GPATCH2: variants seen among roughly 807,000 people sequenced by gnomAD.
GPATCH2 encodes G patch domain-containing protein 2.
GPATCH2 carries 51 observed loss-of-function variants against 58.0 expected under a neutral mutation model. The observed-to-expected ratio is 0.88, with a 90% confidence interval of 0.70 to 1.11. The LOEUF (loss-of-function observed/expected upper bound fraction) is 1.11. GPATCH2 is among the 50% of genes most tolerant of loss of function. The pLI is 0.00. For synonymous variants in GPATCH2, 222 were observed against 218.5 expected (o/e 1.02, Z -0.14); for missense variants, 625 against 652.2 (o/e 0.96, Z 0.45).
chr1:217,463,641 CAAAAAAAAAAAAAAAAAAA>C (rs201402598), intron 8 of GPATCH2, among the ~76,000 whole-genome samples: 43,519 of 86,278 alleles, frequency 0.5, 8,850 homozygotes, highest in Admixed American at 0.67. Flanking sequence ...CTTATCACTC[CAAAAAAAAAAAAAAAAAAA>C]AAAAAAAAAA....
intron 5 of GPATCH2, among the ~76,000 whole-genome samples, chr1:217,557,410 A>T (rs1232523764): frequency 9.0e-6 from 1 of 110,500 alleles, no homozygotes; most frequent in Admixed American, 8.6e-5. Context: ...ACCCCATCTC[A>T]AAAAAAAAAA....
At chr1:217,455,835 G>A (rs1659917005) in intron 8 of GPATCH2, among the ~76,000 whole-genome samples, 1 of 151,974 alleles carries the variant, frequency 6.6e-6, no homozygotes, top group Non-Finnish European at 1.5e-5. Context: ...ATAAACCCCA[G>A]GCCCCAGGCT....
rs1043579846 is a variant in GPATCH2, at chr1:217,458,068, A to C, written c.1278-8731T>G. Among the ~76,000 whole-genome samples, 4 of 152,138 alleles carry C rather than the reference A, an allele frequency of 2.6e-5. No homozygotes were observed. In the East Asian group the frequency reaches 5.8e-4, roughly 22 times the overall value. ...CGGTGAAACCCCGTCTCTACTAAAA[A>C]CACACAAAAAAATTAGCCAGGCGTG... On this transcript the variant is annotated intron_variant, in intron 8 of 9. Transcript: ENST00000366935.
chr1:217,505,412 G>GA (rs5780983), intron 6 of GPATCH2, among the ~76,000 whole-genome samples: 87,111 of 151,820 alleles, frequency 0.57, 26,315 homozygotes, highest in East Asian at 0.84. Context: ...CTTTAGGAAA[G>GA]AGGTTTTAAA....
At chr1:217,546,774 A>T (rs1665075062) in intron 5 of GPATCH2, among the ~76,000 whole-genome samples, 3 of 151,922 alleles carry the variant, frequency 2.0e-5, no homozygotes. Flanking sequence ...GAGCTTCTGT[A>T]CAGACAAAGA....
intron 5 of GPATCH2, among the ~76,000 whole-genome samples, chr1:217,523,784 C>T (rs1270080756): frequency 1.1e-4 from 16 of 143,448 alleles, no homozygotes; most frequent in Non-Finnish European, 2.1e-4. Flanking sequence ...CCGGACGGGG[C>T]GGCTGGCCAG....
intron 5 of GPATCH2, among the ~76,000 whole-genome samples, chr1:217,584,558 T>A (rs984540217): frequency 5.3e-5 from 8 of 151,572 alleles, no homozygotes; most frequent in Non-Finnish European, 1.0e-4. Flanking sequence ...ATTATTGTTC[T>A]AAAGTCCTAG....
chr1:217,587,553 G>T (rs1207032189), intron 5 of GPATCH2, among the ~76,000 whole-genome samples: 1 of 152,112 alleles, frequency 6.6e-6, no homozygotes, highest in African/African-American at 2.4e-5. Flanking sequence ...CCAATGAACA[G>T]AACCAGATTT....
In GPATCH2 at chr1:217,429,973, C is replaced by T. The variant is rs1329019605; in HGVS notation, c.*1172G>A. The stretch of plus-strand genomic sequence containing the variant: ...TTATAAATAGAATGATAATAATCAT[C>T]ATCATAATAAGTTGTTAATAATGAA... On this transcript the variant is annotated 3_prime_UTR_variant, in exon 10 of 10. Coordinates refer to ENST00000366935, the MANE Select transcript of GPATCH2 (RefSeq NM_018040.5). 8.3e-6 allele frequency: 1 copy of T among 120,264 alleles called. No individual in the cohort carries two copies. Among genetic ancestry groups the T allele is most frequent in the Admixed American group, 7.6e-5 (1 of 13,094 alleles). 7.4% of individuals were successfully genotyped at this position (120,264 alleles called of 1,614,324 possible). A position where few individuals can be genotyped will look rare whatever the true frequency, so the allele number is the denominator to read the frequency against.
At chr1:217,440,191 T>C (rs910909017) in intron 9 of GPATCH2, among the ~76,000 whole-genome samples, 6 of 152,216 alleles carry the variant, frequency 3.9e-5, no homozygotes, top group Middle Eastern at 3.2e-3. Context: ...ATCCCTGGGA[T>C]GCAAGGCTGG....
Position 217,428,911 on chromosome 1 carries a change from T to C in GPATCH2, c.*2234A>G, listed in dbSNP as rs918211686. On this transcript the variant is annotated 3_prime_UTR_variant, in exon 10 of 10. Coordinates refer to ENST00000366935, the MANE Select transcript of GPATCH2 (RefSeq NM_018040.5). ...AAGAAGTTCCTATACACTAGTCTGG[T>C]GTATATACTGCTCTTCTTCACTATG... is the stretch of plus-strand genomic sequence containing the variant. 6.6e-6 allele frequency: 1 copy of C among 152,180 alleles called. No individual in the cohort carries two copies. Among genetic ancestry groups the C allele is most frequent in the African/African-American group, 2.4e-5 (1 of 41,438 alleles). The allele number at this position is 152,180 out of a possible 1,614,324, so 9.4% of individuals were successfully genotyped here. A position where few individuals can be genotyped will look rare whatever the true frequency, so the allele number is the denominator to read the frequency against.
At chr1:217,571,578 A>C (rs1397048264) in intron 5 of GPATCH2, among the ~76,000 whole-genome samples, 1 of 136,932 alleles carries the variant, frequency 7.3e-6, no homozygotes, top group South Asian at 2.3e-4. Context: ...AAGGGTGAAA[A>C]ATAACTGAAA....
At chr1:217,616,987 T>G (rs577265304) in intron 2 of GPATCH2, among the ~76,000 whole-genome samples, 12 of 150,956 alleles carry the variant, frequency 7.9e-5, no homozygotes, top group African/African-American at 2.9e-4. Context: ...CGTAATTCAC[T>G]TCCCACTTAA....
Position 217,434,105 on chromosome 1 carries a change from A to G in GPATCH2, c.1367-2740T>C, listed in dbSNP as rs181637025. ...CTTTGGATTTCTCAAATGGATTCAT[A>G]GCTCATGGAAACAAGTACCTTACCA... is the stretch of plus-strand genomic sequence containing the variant. On this transcript the variant is annotated intron_variant, in intron 9 of 9. Transcript: ENST00000366935. Among the ~76,000 whole-genome samples, 220 of 152,362 alleles carry G rather than the reference A, an allele frequency of 1.4e-3. 2 individuals are homozygous for G. Among genetic ancestry groups the G allele is most frequent in the African/African-American group, 5.1e-3 (212 of 41,588 alleles).
intron 5 of GPATCH2, among the ~76,000 whole-genome samples, chr1:217,551,546 T>C (rs1665360700): frequency 6.6e-6 from 1 of 152,138 alleles, no homozygotes; most frequent in African/African-American, 2.4e-5. Context: ...ACTGCTAGTC[T>C]TCTCTAATAA....
intron 5 of GPATCH2, among the ~76,000 whole-genome samples, chr1:217,546,342 A>G (rs1159042659): frequency 2.0e-5 from 3 of 152,164 alleles, no homozygotes; most frequent in African/African-American, 4.8e-5. Context: ...GAGACATCAC[A>G]CTACCCAACT....
chr1:217,626,116 G>A (rs1669442135), intron 1 of GPATCH2, among the ~76,000 whole-genome samples: 1 of 151,870 alleles, frequency 6.6e-6, no homozygotes, highest in East Asian at 1.9e-4. Flanking sequence ...TCTAAAACAT[G>A]GATTATCAGT....
At chr1:217,578,943 A>G (rs903344610) in intron 5 of GPATCH2, among the ~76,000 whole-genome samples, 4 of 152,206 alleles carry the variant, frequency 2.6e-5, no homozygotes, top group African/African-American at 9.6e-5. Flanking sequence ...TTGACAACTG[A>G]TATTTTGAGT....
intron 8 of GPATCH2, among the ~76,000 whole-genome samples, chr1:217,468,700 T>C (rs1660586178): frequency 6.6e-6 from 1 of 152,040 alleles, no homozygotes; most frequent in Non-Finnish European, 1.5e-5. Context: ...TATTCATATA[T>C]TAAGGGATTA....
Sources: gnomAD v4.1 joint callset for allele counts (sites outside exome capture counted in the v4.1 genomes callset) on GRCh38, gnomAD v4.1.1 for gene constraint, MANE v1.5 for transcripts, NCBI Gene and HGNC (gene_info 2026-07-23, HGNC 2026-07-21) for gene names.